NLRP3: variants seen among roughly 807,000 people sequenced by gnomAD.
NLRP3 encodes the protein NLR family pyrin domain containing 3.
NLRP3 carries 48 observed loss-of-function variants against 91.3 expected under a neutral mutation model. The ratio of observed to expected loss-of-function variants is 0.53; its 90% CI spans 0.42 to 0.67. The LOEUF is 0.67. Among genes scored for constraint, NLRP3 ranks in the 30% least tolerant of loss-of-function variants. NLRP3 has a pLI of 0.00. For missense variants in NLRP3, 982 were observed against 1,276.9 expected, an observed-to-expected ratio of 0.77 and a Z score of 3.52; for synonymous variants, 561 against 507.9, an observed-to-expected ratio of 1.10 and a Z score of -1.41.
At chr1:247,435,541 G>A (rs921514187) in intron 6 of NLRP3, among the ~76,000 whole-genome samples, 18 of 152,162 alleles carry the variant, frequency 1.2e-4, no homozygotes, top group Non-Finnish European at 1.3e-4. Context: ...AGGAAGAAAC[G>A]TGGTTGCAGG....
At chr1:247,420,764 C>G (rs1662399452) in intron 2 of NLRP3, among the ~76,000 whole-genome samples, 1 of 151,958 alleles carries the variant, frequency 6.6e-6, no homozygotes, top group South Asian at 2.1e-4. Flanking sequence ...TTCTCTTTTC[C>G]CCTCTCACGG....
At chr1:247,422,861 A>G (rs1662561132) in intron 2 of NLRP3, among the ~76,000 whole-genome samples, 1 of 152,350 alleles carries the variant, frequency 6.6e-6, no homozygotes, top group Non-Finnish European at 1.5e-5. Context: ...TTGGGGATAT[A>G]GGAGAGCTTG....
At chr1:247,419,421 C>A (rs1558186239) in intron 2 of NLRP3, among the ~76,000 whole-genome samples, 1 of 152,110 alleles carries the variant, frequency 6.6e-6, no homozygotes, top group Non-Finnish European at 1.5e-5. Flanking sequence ...TCGCAAAGTG[C>A]TGGAATTACA....
At chr1:247,445,271 G>T (rs1169063488) in intron 9 of NLRP3, among the ~76,000 whole-genome samples, 1 of 152,098 alleles carries the variant, frequency 6.6e-6, no homozygotes, top group African/African-American at 2.4e-5. Flanking sequence ...CATGATCTCG[G>T]CTCACTGCAA....
rs910720755 is a variant in NLRP3 at position 247,438,389 on chromosome 1, T to G, written c.2663+2249T>G. The stretch of plus-strand genomic sequence containing the variant: ...ACTGGTTTAGTTGTGTTTTTTTTTT[T>G]TTTTTTTTTTTTGAGTTGGAGTCTT... On this transcript the variant is annotated intron_variant, in intron 7 of 9. Transcript: ENST00000336119. Among the ~76,000 whole-genome samples the G allele has an allele frequency of 7.0e-5, 10 of 142,520 alleles. No individual in the cohort carries two copies. The South Asian group carries it at 1.4e-3, about 19-fold the overall frequency. 93.5% of individuals were successfully genotyped at this position (142,520 alleles called of 152,430 possible).
At chr1:247,428,694 C>T (rs1663085824) in intron 4 of NLRP3, among the ~76,000 whole-genome samples, 1 of 152,088 alleles carries the variant, frequency 6.6e-6, no homozygotes, top group Non-Finnish European at 1.5e-5. Context: ...GTGACTCGTG[C>T]CTGTAACCTC....
At chr1:247,441,159 CTT>C (rs1291265303) in intron 7 of NLRP3, among the ~76,000 whole-genome samples, 6 of 140,888 alleles carry the variant, frequency 4.3e-5, no homozygotes, top group Non-Finnish European at 6.0e-5. Flanking sequence ...CTCTCTCTCT[CTT>C]TCTTTCTTTC....
At chr1:247,428,646 C>CT (rs1663079751) in intron 4 of NLRP3, among the ~76,000 whole-genome samples, 1 of 72,894 alleles carries the variant, frequency 1.4e-5, no homozygotes, top group African/African-American at 2.9e-5. Flanking sequence ...AGCCACCTGG[C>CT]TTTTTTTAAA....
chr1:247,430,857 C>A (rs61841184), intron 5 of NLRP3, among the ~76,000 whole-genome samples: 16,915 of 151,762 alleles, frequency 0.11, 1,303 homozygotes, highest in African/African-American at 0.22. Context: ...GCCTCGACCT[C>A]CCAGGCTCAA....
At chr1:247,442,087 GTAGAAGCCACTCAAAACT>G (rs1664279427) in intron 7 of NLRP3, among the ~76,000 whole-genome samples, 1 of 152,228 alleles carries the variant, frequency 6.6e-6, no homozygotes, top group African/African-American at 2.4e-5. Flanking sequence ...TGAGAGCTTA[GTAGAAGCCACTCAAAACT>G]TGCTTTGTTT....
chr1:247,436,749 C>G (rs1558203457), intron 7 of NLRP3, among the ~76,000 whole-genome samples: 1 of 152,146 alleles, frequency 6.6e-6, no homozygotes, highest in Non-Finnish European at 1.5e-5. Context: ...TCTCTGATTT[C>G]CTTGTTTTTT....
At chr1:247,442,558 G>A (rs956046186) in intron 7 of NLRP3, among the ~76,000 whole-genome samples, 2 of 152,154 alleles carry the variant, frequency 1.3e-5, no homozygotes, top group African/African-American at 2.4e-5. Context: ...GCCTTTTGCT[G>A]TGCAGAAGGA....
rs1662643081 is a variant in NLRP3, at chr1:247,423,771, T to A, written c.398-76T>A. 3 of 1,340,374 alleles carry A rather than the reference T, an allele frequency of 2.2e-6. No homozygotes were observed. The Admixed American group carries it at 5.6e-5, about 25-fold the overall frequency. 83.0% of individuals were successfully genotyped at this position (1,340,374 alleles called of 1,614,324 possible). ...CATTCCGGTTACCACTCGCTTCCGA[T>A]GACAGGCCCCAGCTGAGAGCGCATC... is the stretch of plus-strand genomic sequence containing the variant. On this transcript the variant is annotated intron_variant, in intron 3 of 9. Transcript: ENST00000336119.
At position 247,434,315 on chromosome 1, in the gene NLRP3, G is replaced by A. The variant is rs761212264; in HGVS notation, c.2492+42G>A. 1.9e-6 allele frequency: 3 copies of A among 1,610,576 alleles called. No individual in the cohort carries two copies. In the South Asian group the frequency reaches 3.3e-5, roughly 18 times the overall value. ...CCCCTAAGGAAGTTCTGCCAGCGAG[G>A]CGTGCTGCGCACTCTGGCTTCAGTG... is the stretch of plus-strand genomic sequence containing the variant. On this transcript the variant is annotated intron_variant, in intron 6 of 9. Transcript: ENST00000336119.
rs745663691 is a variant in NLRP3 at position 247,424,815 on chromosome 1, C to T, written c.1366C>T (p.Gln456Ter). Residue 456 changes from glutamine (Q) to a stop codon, truncating the protein, a stop_gained, in exon 4 of 10, where the codon CAG becomes TAG. Transcript: ENST00000336119. LOFTEE classifies it high-confidence loss of function. The surrounding 1 kb of genome is among the most constrained non-coding windows in gnomAD (Gnocchi z 8.1). Reference sequence around the variant, plus strand: ...TTTGCTGCAGCCCCGGGGAGGGAGCCAGGAGCACGGCCTCTGCGCCCACCT... The same window carrying T: ...TTTGCTGCAGCCCCGGGGAGGGAGCTAGGAGCACGGCCTCTGCGCCCACCT... Reference protein sequence around the residue: ...SSLLQPRGGSQEHGLCAHLWG... With the variant: ...SSLLQPRGGS 6.2e-7 allele frequency: 1 copy of T among 1,608,540 alleles called. No individual in the cohort carries two copies. The highest frequency in any genetic ancestry group is 2.2e-5 in the East Asian group (1 of 44,874).
chr1:247,427,509 T>C (rs1398720533), intron 4 of NLRP3, among the ~76,000 whole-genome samples: 8 of 152,244 alleles, frequency 5.3e-5, no homozygotes, highest in Admixed American at 4.6e-4. Context: ...TTTCTCTAGA[T>C]AGCACCTTCC....
chr1:247,416,975 C>A (rs1021635193), intron 1 of NLRP3, among the ~76,000 whole-genome samples: 2 of 152,124 alleles, frequency 1.3e-5, no homozygotes, highest in Non-Finnish European at 2.9e-5. Flanking sequence ...AAGGAGGGAA[C>A]AATTCCAAAC....
At chr1:247,435,901 G>A (rs954459608) in intron 6 of NLRP3, 69 bp from the exon 7 acceptor site, 10 of 1,465,824 alleles carry the variant, frequency 6.8e-6, no homozygotes, top group Middle Eastern at 4.7e-4. Flanking sequence ...TGGCAGGTAC[G>A]GGTGCTTCCT....
At chr1:247,428,422 A>C (rs565029697) in intron 4 of NLRP3, among the ~76,000 whole-genome samples, 1 of 152,240 alleles carries the variant, frequency 6.6e-6, no homozygotes, top group Non-Finnish European at 1.5e-5. Flanking sequence ...CCAATCTTAG[A>C]CCTAGAGAGC....
Sources: gnomAD v4.1 joint callset for allele counts (sites outside exome capture counted in the v4.1 genomes callset) on GRCh38, gnomAD v4.1.1 for gene constraint, Gnocchi (gnomAD v3.1) non-coding constraint, MANE v1.5 for transcripts, NCBI Gene and HGNC (gene_info 2026-07-23, HGNC 2026-07-21) for gene names.